The following ATP8A2 variants were observed in gnomAD, a reference collection of about 807,000 sequenced individuals.
The protein encoded by ATP8A2 is phospholipid-transporting ATPase IB.
Under a neutral mutation model 165.6 loss-of-function variants are expected in ATP8A2, and 100 were observed. The observed-to-expected ratio is 0.60, with a 90% CI of 0.51 to 0.71. The LOEUF is 0.71. Among genes scored for constraint, ATP8A2 ranks in the 30% least tolerant of loss-of-function variants. The pLI, the probability that ATP8A2 is intolerant of heterozygous loss-of-function variation, is 0.00. For missense variants in ATP8A2, 1,227 were observed against 1,479.5 expected, an observed-to-expected ratio of 0.83 and a Z score of 2.80; for synonymous variants, 543 against 548.8, an observed-to-expected ratio of 0.99 and a Z score of 0.15.
intron 24 of ATP8A2, among the ~76,000 whole-genome samples, chr13:25,604,311 T>G (rs972153292): frequency 2.0e-5 from 3 of 152,054 alleles, no homozygotes; most frequent in African/African-American, 7.3e-5. Flanking sequence ...TTTAGCAGCG[T>G]GGAGGTCATG....
Position 25,579,036 on chromosome 13 carries a change from C to T in ATP8A2, c.1867+137C>T. On this transcript the variant is annotated intron_variant, in intron 21 of 36. Coordinates refer to ENST00000381655, the MANE Select transcript of ATP8A2 (RefSeq NM_016529.6). The stretch of plus-strand genomic sequence containing the variant: ...CCCATGGCAGTGACAAGATGCATAG[C>T]CAAATCCAAACTCATTTACCTGTAG... 4.5e-6 allele frequency: 3 copies of T among 672,590 alleles called. No individual in the cohort carries two copies. The South Asian group carries it at 5.1e-5, about 11-fold the overall frequency. The allele number at this position is 672,590 out of a possible 1,614,324, so 41.7% of individuals were successfully genotyped here. A position where few individuals can be genotyped will look rare whatever the true frequency, so the allele number is the denominator to read the frequency against.
intron 1 of ATP8A2, among the ~76,000 whole-genome samples, chr13:25,384,008 C>A (rs904152662): frequency 6.6e-6 from 1 of 152,144 alleles, no homozygotes; most frequent in Non-Finnish European, 1.5e-5. Flanking sequence ...TTTTAGGGAG[C>A]ATCTGTGAGT....
At position 25,555,006 on chromosome 13, in the gene ATP8A2, T is replaced by G. The variant is rs1448766224; in HGVS notation, c.1201T>G (p.Tyr401Asp). Residue 401 changes from tyrosine to aspartate, a missense_variant, in exon 13 of 37, where the codon TAT (tyrosine) becomes GAT (aspartate). By Grantham distance (160) the Tyr-to-Asp change is radical. Coordinates refer to ENST00000381655, the MANE Select transcript of ATP8A2 (RefSeq NM_016529.6). ...LFINWDTDMY[Y>D]IGNDTPAMAR... ...TCTCTCTCAGGACACAGATATGTAT[T>G]ATATAGGAAATGACACTCCTGCCAT... The G allele has an allele frequency of 6.2e-7, 1 of 1,608,196 alleles. No individual in the cohort carries two copies. The highest frequency in any genetic ancestry group is 1.3e-5 in the African/African-American group (1 of 74,880).
At chr13:25,860,988 TG>T in intron 32 of ATP8A2, 128 bp downstream of exon 32, 1 of 725,924 alleles carries the variant, frequency 1.4e-6, no homozygotes, top group East Asian at 2.7e-5. Flanking sequence ...GTGTAAAAAT[TG>T]TGGTTTGATC....
chr13:25,700,533 A>C (rs55886632), intron 25 of ATP8A2, among the ~76,000 whole-genome samples: 14,468 of 152,214 alleles, frequency 0.095, 747 homozygotes, highest in African/African-American at 0.12. Context: ...TTCATGTGTC[A>C]GTACTTCCTT....
At chr13:25,616,326 CTTTTTTT>C (rs535891442) in intron 24 of ATP8A2, among the ~76,000 whole-genome samples, 10 of 106,754 alleles carry the variant, frequency 9.4e-5, no homozygotes, top group South Asian at 3.1e-4. Flanking sequence ...TTCTTTCTTT[CTTTTTTT>C]TTTTTTTTTT....
chr13:25,760,431 C>G (rs1404339404), intron 25 of ATP8A2, among the ~76,000 whole-genome samples: 1 of 152,090 alleles, frequency 6.6e-6, no homozygotes, highest in Non-Finnish European at 1.5e-5. Flanking sequence ...ATTTAGACGC[C>G]ATATAAAGGT....
intron 33 of ATP8A2, chr13:25,867,824 T>C (rs1170949188): frequency 5.6e-6 from 1 of 179,976 alleles, no homozygotes; most frequent in African/African-American, 2.4e-5. Context: ...TGGGAATGGG[T>C]CAGCCACAGG....
intron 1 of ATP8A2, among the ~76,000 whole-genome samples, chr13:25,390,816 G>T (rs1172710385): frequency 6.6e-6 from 1 of 151,792 alleles, no homozygotes; most frequent in Non-Finnish European, 1.5e-5. Flanking sequence ...TGTAATCCCA[G>T]CTACTCAGGG....
At chr13:25,768,472 T>G (rs968585986) in intron 25 of ATP8A2, among the ~76,000 whole-genome samples, 1 of 152,144 alleles carries the variant, frequency 6.6e-6, no homozygotes, top group Non-Finnish European at 1.5e-5. Flanking sequence ...CTAGATCCTC[T>G]GCCTTGGCTG....
rs36041958 is a variant in ATP8A2, at chr13:25,535,667, C to CAG, written c.508-2320_508-2319dup. On this transcript the variant is annotated intron_variant, in intron 6 of 36. Coordinates refer to ENST00000381655, the MANE Select transcript of ATP8A2 (RefSeq NM_016529.6). ...CATCTCTACAAAAAAATACAGAAAT[C>CAG]AGCTGGGCGTGGTGGTGCGTGTCTG... is the stretch of plus-strand genomic sequence containing the variant. Among the ~76,000 whole-genome samples the CAG allele has an allele frequency of 3.3e-3, 496 of 152,010 alleles. 2 individuals carry two copies. The highest frequency in any genetic ancestry group is 4.8e-3 in the Non-Finnish European group (328 of 67,952).
chr13:25,808,682 A>G (rs1054226974), intron 27 of ATP8A2, among the ~76,000 whole-genome samples: 4 of 151,540 alleles, frequency 2.6e-5, no homozygotes, highest in Non-Finnish European at 5.9e-5. Flanking sequence ...TCAACCTCCC[A>G]CCTCAGCCTC....
chr13:25,387,473 C>T (rs1248878089), intron 1 of ATP8A2, among the ~76,000 whole-genome samples: 1 of 152,068 alleles, frequency 6.6e-6, no homozygotes, highest in African/African-American at 2.4e-5. Flanking sequence ...CTGCTAGAGC[C>T]TGGGTTTAAT....
rs11369713 is a variant in ATP8A2 at position 25,495,624 on chromosome 13, C to CTTT, written c.221+26525_221+26527dup. 2.6e-3 allele frequency among the ~76,000 whole-genome samples: 230 copies of CTTT among 88,222 alleles called. 2 individuals carry two copies. Among genetic ancestry groups the CTTT allele is most frequent in the African/African-American group, 8.3e-3 (197 of 23,840 alleles). 57.9% of individuals were successfully genotyped at this position (88,222 alleles called of 152,430 possible). Reference sequence around the variant, plus strand: ...ACAGGCATGCACCATGCATGCCTTGCTTTTTTTTTTTTTTTTTTTTTTTTA... The same window carrying CTTT: ...ACAGGCATGCACCATGCATGCCTTGCTTTTTTTTTTTTTTTTTTTTTTTTTTTA... On this transcript the variant is annotated intron_variant, in intron 2 of 36. Coordinates refer to ENST00000381655, the MANE Select transcript of ATP8A2 (RefSeq NM_016529.6).
intron 24 of ATP8A2, among the ~76,000 whole-genome samples, chr13:25,692,123 G>A (rs556997638): frequency 6.6e-6 from 1 of 152,296 alleles, no homozygotes; most frequent in East Asian, 1.9e-4. Context: ...GCTGATGGTC[G>A]ACAGGGGACA....
At chr13:25,485,261 A>G (rs772351489) in intron 2 of ATP8A2, among the ~76,000 whole-genome samples, 1 of 152,232 alleles carries the variant, frequency 6.6e-6, no homozygotes, top group Non-Finnish European at 1.5e-5. Flanking sequence ...TAGCAGAGGA[A>G]GTAATTTTAA....
intron 36 of ATP8A2, among the ~76,000 whole-genome samples, chr13:26,013,702 GAGAC>G (rs1956900008): frequency 6.6e-6 from 1 of 151,600 alleles, no homozygotes; most frequent in African/African-American, 2.4e-5. Context: ...AAGAAAGAAA[GAGAC>G]AGATTTATGA....
chr13:25,414,643 C>T (rs573901694), intron 1 of ATP8A2, among the ~76,000 whole-genome samples: 2 of 152,344 alleles, frequency 1.3e-5, no homozygotes, highest in East Asian at 3.9e-4. Flanking sequence ...ACGTGTATGT[C>T]ACTTTCCCAC....
At chr13:25,473,773 T>C (rs1170232195) in intron 2 of ATP8A2, among the ~76,000 whole-genome samples, 1 of 152,244 alleles carries the variant, frequency 6.6e-6, no homozygotes, top group African/African-American at 2.4e-5. Context: ...CATATCCTTT[T>C]AAGTTAAATA....
Sources: allele counts gnomAD v4.1 joint callset (sites outside exome capture counted in the v4.1 genomes callset), GRCh38; gene constraint gnomAD v4.1.1; transcripts MANE v1.5; gene names NCBI Gene and HGNC (gene_info 2026-07-23, HGNC 2026-07-21).